Variants in DST observed in about 807,000 individuals in gnomAD.
The protein encoded by DST is bullous pemphigoid antigen.
DST carries 253 observed loss-of-function variants against 875.2 expected under a neutral mutation model. The observed-to-expected ratio is 0.29, with a 90% CI of 0.26 to 0.32. The LOEUF is 0.32. Among genes scored for constraint, DST ranks in the 10% least tolerant of loss-of-function variants. The pLI, the probability that DST is intolerant of heterozygous loss-of-function variation, is 1.00. For synonymous variants in DST, 3,124 were observed against 3,197.1 expected, an observed-to-expected ratio of 0.98 and a Z score of 0.77; for missense variants, 8,287 against 9,111.6, an observed-to-expected ratio of 0.91 and a Z score of 3.68.
intron 102 of DST, chr6:56,461,690 A>C (rs1297727522): frequency 6.6e-6 from 1 of 152,230 alleles, no homozygotes; most frequent in East Asian, 1.9e-4. Context: ...GAGAGTTTCC[A>C]CTTAAAAAAA....
intron 10 of DST, among the ~76,000 whole-genome samples, chr6:56,659,399 A>G (rs1456485000): frequency 6.6e-6 from 1 of 152,224 alleles, no homozygotes; most frequent in Non-Finnish European, 1.5e-5. Context: ...ACTAAGCAGG[A>G]GCAGACAAGA....
chr6:56,867,657 T>TAA (rs773743740), intron 3 of DST, among the ~76,000 whole-genome samples: 7 of 152,106 alleles, frequency 4.6e-5, no homozygotes, highest in African/African-American at 7.2e-5. Flanking sequence ...CCGTCTCTAC[T>TAA]AAAAATACAA....
At chr6:56,485,170 G>A in intron 88 of DST, 142 bp downstream of exon 88, 1 of 878,790 alleles carries the variant, frequency 1.1e-6, no homozygotes. Flanking sequence ...TGCTCAAACG[G>A]ACACATATTT....
intron 2 of DST, among the ~76,000 whole-genome samples, chr6:56,931,973 T>C (rs1004568346): frequency 6.6e-6 from 1 of 152,056 alleles, no homozygotes; most frequent in Non-Finnish European, 1.5e-5. Flanking sequence ...TGGGAAGGCA[T>C]GATTGGTTTT....
intron 47 of DST, among the ~76,000 whole-genome samples, chr6:56,594,630 T>C (rs558429370): frequency 6.6e-6 from 1 of 152,276 alleles, no homozygotes; most frequent in African/African-American, 2.4e-5. Context: ...AACTTTTAAA[T>C]AGGGAAAAAG....
rs1275339494 is a variant in DST, at chr6:56,517,573, T to A, written c.18177A>T (p.Glu6059Asp). The change falls in exon 70 of 104, where the codon GAA (glutamate) becomes GAT (aspartate). Residue 6059 changes from glutamate to aspartate, a missense_variant. Glu to Asp is a conservative substitution (Grantham distance 45). This residue lies in a region of DST where 777 missense variants were observed against 764.8 expected (regional missense o/e 1.02). Coordinates refer to ENST00000680361, the MANE Select transcript of DST (RefSeq NM_001374736.1). ...TGTCACCCAGAGACATCAATTTTTT[T>A]TCTGTTTCAGTAATCCAGGATAACT... ...DAELSWITETEKKLMSLGDIR... is the reference protein window; with the variant it reads ...DAELSWITETDKKLMSLGDIR... 8 of 1,613,248 alleles carry A rather than the reference T, an allele frequency of 5.0e-6. No individual in the cohort carries two copies. The highest frequency in any genetic ancestry group is 1.6e-4 in the Middle Eastern group (1 of 6,084).
At chr6:56,562,525 A>G (rs1226835504) in intron 55 of DST, among the ~76,000 whole-genome samples, 1 of 151,562 alleles carries the variant, frequency 6.6e-6, no homozygotes, top group Non-Finnish European at 1.5e-5. Flanking sequence ...GAAGAATCAT[A>G]TTTATTAAAT....
intron 2 of DST, among the ~76,000 whole-genome samples, chr6:56,905,145 G>A (rs1400240191): frequency 6.6e-6 from 1 of 152,210 alleles, no homozygotes; most frequent in South Asian, 2.1e-4. Flanking sequence ...GTCAGTAGTG[G>A]ACTTCTATCA....
At chr6:56,667,828 TAC>T (rs36046330) in intron 10 of DST, among the ~76,000 whole-genome samples, 14 of 149,792 alleles carry the variant, frequency 9.3e-5, no homozygotes, top group Admixed American at 2.7e-4. Context: ...TATATATATA[TAC>T]ACACACACAC....
chr6:56,779,193 T>C (rs2099686485), intron 4 of DST, among the ~76,000 whole-genome samples: 1 of 152,218 alleles, frequency 6.6e-6, no homozygotes, highest in South Asian at 2.1e-4. Flanking sequence ...TTTTGAGAAG[T>C]GTCTGTTCAA....
chr6:56,725,469 T>C (rs1247993648), intron 5 of DST, among the ~76,000 whole-genome samples: 1 of 152,198 alleles, frequency 6.6e-6, no homozygotes, highest in Non-Finnish European at 1.5e-5. Flanking sequence ...CCAGCTGCTC[T>C]GGGAGTCCAA....
intron 4 of DST, among the ~76,000 whole-genome samples, chr6:56,806,656 T>C (rs2099753310): frequency 6.6e-6 from 1 of 152,152 alleles, no homozygotes. Flanking sequence ...CAAGAATAAC[T>C]ATTTGGCAGA....
rs2152755787 is a variant in DST at position 56,629,253 on chromosome 6, T to C, written c.4472A>G (p.Asn1491Ser). 2.5e-6 allele frequency: 4 copies of C among 1,613,650 alleles called. No individual in the cohort carries two copies. The highest frequency in any genetic ancestry group is 3.4e-6 in the Non-Finnish European group (4 of 1,179,668). The change falls in exon 32 of 104, where the codon AAC becomes AGC. Residue 1491 changes from asparagine to serine, a missense_variant. Transcript: ENST00000680361. ...CTGAACAAAAAAGGATACTAACCTG[T>C]TGTCAATCTGCACATGAACATTTTG... ...RWQNVHVQID[N>S]RLRDLEGIGK...
At chr6:56,551,132 G>C (rs1408439588) in intron 61 of DST, among the ~76,000 whole-genome samples, 1 of 152,112 alleles carries the variant, frequency 6.6e-6, no homozygotes, top group Non-Finnish European at 1.5e-5. Context: ...CAAAGAAAAA[G>C]AAGGTATTTT....
intron 74 of DST, 67 bp from the exon 75 acceptor site, chr6:56,508,822 A>T (rs776653137): frequency 1.6e-6 from 2 of 1,288,788 alleles, no homozygotes; most frequent in African/African-American, 3.0e-5. Context: ...GCAGAATGTT[A>T]TAGTTCACAC....
At chr6:56,778,268 T>C (rs906687001) in intron 4 of DST, among the ~76,000 whole-genome samples, 1 of 151,082 alleles carries the variant, frequency 6.6e-6, no homozygotes, top group East Asian at 1.9e-4. Context: ...CAGGTTATCA[T>C]GGTACAGAAC....
intron 4 of DST, among the ~76,000 whole-genome samples, chr6:56,796,325 T>C (rs1482810342): frequency 1.3e-5 from 2 of 152,158 alleles, no homozygotes; most frequent in Admixed American, 1.3e-4. Flanking sequence ...GACTCAGCTG[T>C]GAATAGCATT....
At position 56,906,224 on chromosome 6, in the gene DST, T is replaced by C. The variant is rs529954636; in HGVS notation, c.217-5603A>G. On this transcript the variant is annotated intron_variant, in intron 2 of 103. Transcript: ENST00000680361. ...GTGTACAAGGGTTCCAATTTCTCCA[T>C]AGCCTTCTGATACCAGAGTTAAGAA... 9.5e-4 allele frequency among the ~76,000 whole-genome samples: 144 copies of C among 152,306 alleles called. 1 individual carries two copies. Among genetic ancestry groups the C allele is most frequent in the African/African-American group, 3.3e-3 (136 of 41,588 alleles).
chr6:56,609,937 A>G (rs915083803), intron 39 of DST, among the ~76,000 whole-genome samples: 3 of 152,192 alleles, frequency 2.0e-5, no homozygotes, highest in Non-Finnish European at 4.4e-5. Flanking sequence ...GTCAAGTTTT[A>G]AAAGTTTAAG....
Sources: allele counts gnomAD v4.1 joint callset (sites outside exome capture counted in the v4.1 genomes callset), GRCh38; gene constraint gnomAD v4.1.1; regional missense constraint gnomAD v4.1.1; transcripts MANE v1.5; gene names NCBI Gene and HGNC (gene_info 2026-07-23, HGNC 2026-07-21).